KCNQ5: variants seen among roughly 807,000 people sequenced by gnomAD.
The protein encoded by KCNQ5 is potassium voltage-gated channel subfamily Q member 5.
In KCNQ5, 30 loss-of-function variants were observed where a neutral mutation model predicts 98.2. That is an observed-to-expected ratio of 0.31 (90% CI 0.23 to 0.41). The LOEUF (loss-of-function observed/expected upper bound fraction) is 0.41, where lower values mean the gene tolerates loss of function less well. Among genes scored for constraint, KCNQ5 ranks in the 10% least tolerant of loss-of-function variants. The pLI, the probability that KCNQ5 is intolerant of heterozygous loss-of-function variation, is 1.00. For missense variants in KCNQ5, 835 were observed against 1,182.5 expected (o/e 0.71, Z 4.31); for synonymous variants, 458 against 449.4 (o/e 1.02, Z -0.24).
chr6:72,659,042 G>A (rs1036720918), intron 1 of KCNQ5, among the ~76,000 whole-genome samples: 1 of 152,150 alleles, frequency 6.6e-6, no homozygotes, highest in Non-Finnish European at 1.5e-5. Flanking sequence ...ATATTGTAAG[G>A]ATTTTTTAAA....
intron 1 of KCNQ5, among the ~76,000 whole-genome samples, chr6:72,623,367 C>T (rs1485902261): frequency 7.3e-6 from 1 of 136,430 alleles, no homozygotes; most frequent in African/African-American, 2.9e-5. Flanking sequence ...GGGTTAAGTC[C>T]CCGTTTGTGG....
chr6:72,723,521 G>T (rs1009621289), intron 1 of KCNQ5, among the ~76,000 whole-genome samples: 1 of 152,102 alleles, frequency 6.6e-6, no homozygotes, highest in African/African-American at 2.4e-5. Flanking sequence ...TGCGTTATAG[G>T]ATATAAATCT....
At chr6:72,676,716 T>C (rs1018860330) in intron 1 of KCNQ5, among the ~76,000 whole-genome samples, 2 of 152,224 alleles carry the variant, frequency 1.3e-5, no homozygotes, top group African/African-American at 4.8e-5. Flanking sequence ...TCCATACATT[T>C]GACATTTTCT....
intron 1 of KCNQ5, among the ~76,000 whole-genome samples, chr6:72,656,353 C>T (rs1766194353): frequency 6.6e-6 from 1 of 152,156 alleles, no homozygotes; most frequent in Non-Finnish European, 1.5e-5. Context: ...TGTTTGGCCT[C>T]TAGGATCAGT....
intron 5 of KCNQ5, among the ~76,000 whole-genome samples, chr6:73,090,668 G>A (rs569609474): frequency 5.3e-5 from 8 of 152,022 alleles, no homozygotes; most frequent in African/African-American, 1.9e-4. Context: ...TGAAAAGGGT[G>A]TCCTTCGCTT....
intron 1 of KCNQ5, among the ~76,000 whole-genome samples, chr6:72,953,593 C>A (rs770141009): frequency 2.6e-5 from 4 of 152,192 alleles, no homozygotes; most frequent in Non-Finnish European, 2.9e-5. Flanking sequence ...CAGCCCCCAC[C>A]AATCCCTGCT....
intron 10 of KCNQ5, among the ~76,000 whole-genome samples, chr6:73,137,104 A>G (rs1017446905): frequency 2.6e-5 from 3 of 116,230 alleles, no homozygotes; most frequent in Non-Finnish European, 4.8e-5. Context: ...TATAATAGAG[A>G]AAAAAAAAAT....
intron 7 of KCNQ5, among the ~76,000 whole-genome samples, chr6:73,112,362 T>C (rs1336274605): frequency 6.6e-6 from 1 of 151,716 alleles, no homozygotes; most frequent in African/African-American, 2.4e-5. Flanking sequence ...TTTTTTTTTT[T>C]TGAGACAGAG....
chr6:73,175,913 A>G (rs1778194846), intron 11 of KCNQ5, among the ~76,000 whole-genome samples: 1 of 152,238 alleles, frequency 6.6e-6, no homozygotes, highest in Admixed American at 6.5e-5. Context: ...TCTGGTAGAT[A>G]TGTAGGAACT....
intron 1 of KCNQ5, among the ~76,000 whole-genome samples, chr6:72,664,692 CAAAA>C (rs1271444544): frequency 7.1e-6 from 1 of 140,492 alleles, no homozygotes; most frequent in Non-Finnish European, 1.5e-5. Flanking sequence ...AACAAACAAA[CAAAA>C]AACACAAAAG....
At chr6:73,134,096 C>T in intron 10 of KCNQ5, 1 of 426,882 alleles carries the variant, frequency 2.3e-6, no homozygotes, top group East Asian at 7.1e-5. Context: ...CTCTCTCACA[C>T]ACTCCATCTA....
intron 1 of KCNQ5, among the ~76,000 whole-genome samples, chr6:72,936,382 C>A (rs1765918411): frequency 6.6e-6 from 1 of 152,172 alleles, no homozygotes; most frequent in African/African-American, 2.4e-5. Flanking sequence ...GCTCATCTGA[C>A]TTATTCTGGC....
chr6:73,042,290 A>C, intron 3 of KCNQ5: 1 of 532,888 alleles, frequency 1.9e-6, no homozygotes, highest in South Asian at 2.0e-5. Context: ...ATTTGAGGCA[A>C]AGAGAGACGG....
intron 1 of KCNQ5, among the ~76,000 whole-genome samples, chr6:72,693,475 C>T (rs1236279006): frequency 6.6e-6 from 1 of 152,018 alleles, no homozygotes; most frequent in Non-Finnish European, 1.5e-5. Context: ...CAAAACATAA[C>T]AAAGCTGTTA....
intron 1 of KCNQ5, among the ~76,000 whole-genome samples, chr6:72,934,921 C>T (rs1162784138): frequency 3.9e-5 from 6 of 152,158 alleles, no homozygotes; most frequent in African/African-American, 1.4e-4. Flanking sequence ...TGACAATACC[C>T]ATCACCTCAC....
chr6:72,868,328 T>A (rs1300394153), intron 1 of KCNQ5, among the ~76,000 whole-genome samples: 1 of 152,190 alleles, frequency 6.6e-6, no homozygotes, highest in Non-Finnish European at 1.5e-5. Flanking sequence ...CATTTCTAAT[T>A]AGTCATTTCT....
chr6:72,931,748 C>T (rs1001739920), intron 1 of KCNQ5, among the ~76,000 whole-genome samples: 2 of 152,132 alleles, frequency 1.3e-5, no homozygotes, highest in African/African-American at 4.8e-5. Flanking sequence ...CACCCAGGGC[C>T]CCTTCCCAAC....
chr6:72,658,579 T>TATATATA (rs34408725), intron 1 of KCNQ5, among the ~76,000 whole-genome samples: 80 of 69,602 alleles, frequency 1.1e-3, no homozygotes, highest in African/African-American at 4.6e-3. Flanking sequence ...TATATATATA[T>TATATATA]TTTTTTTTTT....
intron 3 of KCNQ5, chr6:73,055,599 T>A (rs1772448439): frequency 2.3e-6 from 3 of 1,321,744 alleles, no homozygotes; most frequent in Non-Finnish European, 3.3e-6. Flanking sequence ...AATGAAGAAG[T>A]ATTTCCCCAG....
Sources: gnomAD v4.1 joint callset for allele counts (sites outside exome capture counted in the v4.1 genomes callset) on GRCh38, gnomAD v4.1.1 for gene constraint, MANE v1.5 for transcripts, NCBI Gene and HGNC (gene_info 2026-07-23, HGNC 2026-07-21) for gene names.